Variants in LOXL2 observed in about 807,000 individuals in gnomAD.
The protein encoded by LOXL2 is lysyl oxidase homolog 2.
A neutral mutation model predicts 93.0 loss-of-function variants in LOXL2; 70 were observed. That is an observed-to-expected ratio of 0.75 (90% CI 0.62 to 0.92). LOXL2 has a LOEUF of 0.92. Ranked by LOEUF, LOXL2 falls within the 40% of genes least tolerant of loss-of-function variation. LOXL2 has a pLI of 0.00. For missense variants in LOXL2, 973 were observed against 1,054.9 expected (o/e 0.92, Z 1.08); for synonymous variants, 438 against 413.2 (o/e 1.06, Z -0.73).
At chr8:23,376,787 C>T (rs1312795879) in intron 1 of LOXL2, among the ~76,000 whole-genome samples, 2 of 152,132 alleles carry the variant, frequency 1.3e-5, no homozygotes, top group African/African-American at 4.8e-5. Context: ...GTGGCGATAT[C>T]CCCTTTATCA....
At chr8:23,327,407 C>G (rs1416409707) in intron 6 of LOXL2, among the ~76,000 whole-genome samples, 23 of 152,192 alleles carry the variant, frequency 1.5e-4, no homozygotes, top group Non-Finnish European at 3.4e-4. Flanking sequence ...ACATTCCTTT[C>G]TGTGGGGTGA....
chr8:23,333,358 C>T (rs1397140602), intron 5 of LOXL2, 43 bp downstream of exon 5: 1 of 1,570,946 alleles, frequency 6.4e-7, no homozygotes. Context: ...CCCTCCCATC[C>T]CCTCCAGGTG....
chr8:23,383,812 C>T (rs1804717000), intron 1 of LOXL2, among the ~76,000 whole-genome samples: 2 of 151,738 alleles, frequency 1.3e-5, no homozygotes, highest in South Asian at 4.2e-4. Flanking sequence ...AGGCGCCCGC[C>T]ACCACGCCCG....
intron 1 of LOXL2, among the ~76,000 whole-genome samples, chr8:23,384,851 T>G (rs1585381553): frequency 2.0e-5 from 3 of 151,842 alleles, no homozygotes; most frequent in Admixed American, 2.0e-4. Context: ...GAGGCAGAGG[T>G]TGCAGTGAGC....
chr8:23,354,949 A>ATATT (rs1563200180), intron 3 of LOXL2, among the ~76,000 whole-genome samples: 1 of 77,676 alleles, frequency 1.3e-5, no homozygotes, highest in Non-Finnish European at 2.4e-5. Context: ...ATATATATAT[A>ATATT]TTTTTTTTTT....
At chr8:23,389,293 C>T (rs530550935) in intron 1 of LOXL2, among the ~76,000 whole-genome samples, 5 of 152,278 alleles carry the variant, frequency 3.3e-5, no homozygotes, top group African/African-American at 7.2e-5. Flanking sequence ...AAAAAACTCT[C>T]CAGTATCAAG....
intron 3 of LOXL2, 195 bp from the exon 4 acceptor site, chr8:23,341,398 G>A: frequency 1.7e-6 from 1 of 602,786 alleles, no homozygotes; most frequent in Non-Finnish European, 3.0e-6. Flanking sequence ...CGCTATGCAT[G>A]GGAGATAGTG....
At chr8:23,309,235 G>A (rs1446572003) in intron 10 of LOXL2, among the ~76,000 whole-genome samples, 2 of 152,048 alleles carry the variant, frequency 1.3e-5, no homozygotes, top group African/African-American at 4.8e-5. Flanking sequence ...CGCCCGCCTC[G>A]GCCTCCCAAA....
chr8:23,396,393 G>A (rs1800090015), intron 1 of LOXL2, among the ~76,000 whole-genome samples: 1 of 152,090 alleles, frequency 6.6e-6, no homozygotes, highest in South Asian at 2.1e-4. Context: ...GAAGGAGGGA[G>A]GAAGGAAATG....
chr8:23,317,194 A>C, intron 8 of LOXL2, 80 bp from the exon 9 acceptor site: 1 of 1,455,180 alleles, frequency 6.9e-7, no homozygotes, highest in Non-Finnish European at 9.6e-7. Flanking sequence ...TTGCAGCCTC[A>C]CAAAAATCCC....
intron 3 of LOXL2, among the ~76,000 whole-genome samples, chr8:23,349,018 T>A (rs1055037045): frequency 3.0e-4 from 46 of 151,532 alleles, no homozygotes; most frequent in Non-Finnish European, 6.3e-4. Flanking sequence ...CCTCTTTTCA[T>A]CGAGTCATTG....
chr8:23,319,768 T>G, intron 8 of LOXL2, 117 bp downstream of exon 8: 1 of 1,170,682 alleles, frequency 8.5e-7, no homozygotes, highest in Non-Finnish European at 1.2e-6. Context: ...CCAGGGCAAC[T>G]TGCTCTGTCC....
At chr8:23,304,524 A>C (rs569717251) in intron 10 of LOXL2, among the ~76,000 whole-genome samples, 2 of 152,186 alleles carry the variant, frequency 1.3e-5, no homozygotes, top group Non-Finnish European at 2.9e-5. Flanking sequence ...CTGAGGAACA[A>C]GGTGCCAAGT....
chr8:23,299,356 C>G (rs1014677155), intron 12 of LOXL2, among the ~76,000 whole-genome samples: 8 of 152,114 alleles, frequency 5.3e-5, no homozygotes, highest in Non-Finnish European at 1.0e-4. Context: ...GCTGCCTGGG[C>G]GTTGGAGATG....
rs1803289015 is a variant in LOXL2, at chr8:23,309,564, C to A, written c.1880+104G>T. 3.2e-6 allele frequency: 4 copies of A among 1,257,866 alleles called. No homozygotes were observed. The South Asian group carries it at 9.1e-5, about 29-fold the overall frequency. The allele number at this position is 1,257,866 out of a possible 1,614,324, so 77.9% of individuals were successfully genotyped here. ...AGGAGGATCCTATCCCCAGGCCATG[C>A]AGCCTCTTGGCTCTAAGTGACCCTG... On this transcript the variant is annotated intron_variant, in intron 10 of 13. Coordinates refer to ENST00000389131, the MANE Select transcript of LOXL2 (RefSeq NM_002318.3).
intron 9 of LOXL2, among the ~76,000 whole-genome samples, 198 bp from the exon 10 acceptor site, chr8:23,310,109 ACT>A (rs1179640910): frequency 6.6e-6 from 1 of 151,948 alleles, no homozygotes; most frequent in East Asian, 1.9e-4. Flanking sequence ...CTCTTTGACA[ACT>A]CTTCAGTTAT....
chr8:23,399,060 G>A (rs1800127367), intron 1 of LOXL2, among the ~76,000 whole-genome samples: 1 of 152,198 alleles, frequency 6.6e-6, no homozygotes, highest in South Asian at 2.1e-4. Flanking sequence ...ACTCAGCTGT[G>A]TGTTGCTCTG....
chr8:23,386,130 C>T (rs1804756723), intron 1 of LOXL2: 1 of 730,144 alleles, frequency 1.4e-6, no homozygotes, highest in East Asian at 2.5e-5. Flanking sequence ...AATTTGTAAC[C>T]AGGCCAGCCA....
At chr8:23,332,422 CCACA>C (rs1173671576) in intron 5 of LOXL2, among the ~76,000 whole-genome samples, 18 of 134,750 alleles carry the variant, frequency 1.3e-4, no homozygotes, top group Non-Finnish European at 2.9e-4. Context: ...CGCCACACAC[CCACA>C]AACACACCCC....
Sources: gnomAD v4.1 joint callset for allele counts (sites outside exome capture counted in the v4.1 genomes callset) on GRCh38, gnomAD v4.1.1 for gene constraint, MANE v1.5 for transcripts, NCBI Gene and HGNC (gene_info 2026-07-23, HGNC 2026-07-21) for gene names.